The following NAV2 variants were observed in gnomAD, a reference collection of about 807,000 sequenced individuals.
The protein encoded by NAV2 is helicase, APC down-regulated 1.
Under a neutral mutation model 223.2 loss-of-function variants are expected in NAV2, and 54 were observed. The ratio of observed to expected loss-of-function variants is 0.24; its 90% CI spans 0.19 to 0.30. The LOEUF is 0.30. NAV2 is among the 10% of genes least tolerant of loss of function. NAV2 has a pLI of 1.00. For synonymous variants in NAV2, 1,279 were observed against 1,239.3 expected (o/e 1.03, Z -0.67); for missense variants, 2,806 against 3,147.5 (o/e 0.89, Z 2.60).
intron 1 of NAV2, among the ~76,000 whole-genome samples, chr11:19,664,447 T>G (rs1485544434): frequency 2.6e-5 from 4 of 152,318 alleles, no homozygotes; most frequent in African/African-American, 9.6e-5. Context: ...TGTCCCAGCC[T>G]GGTTATGACT....
chr11:19,398,820 C>T (rs372631429), intron 1 of NAV2, among the ~76,000 whole-genome samples: 2 of 152,214 alleles, frequency 1.3e-5, no homozygotes, highest in African/African-American at 2.4e-5. Context: ...TCCTTCCCCC[C>T]ACAGACACAC....
chr11:20,067,598 C>T (rs1270235929), intron 20 of NAV2, among the ~76,000 whole-genome samples: 1 of 151,894 alleles, frequency 6.6e-6, no homozygotes, highest in African/African-American at 2.4e-5. Flanking sequence ...CTGCCTCAGC[C>T]TCCCAAGTAG....
intron 1 of NAV2, among the ~76,000 whole-genome samples, chr11:19,572,019 G>A (rs563540363): frequency 2.8e-4 from 43 of 152,316 alleles, no homozygotes; most frequent in South Asian, 2.1e-4. Context: ...GAGTAGACTG[G>A]CAGGTAGAAC....
At chr11:19,610,745 G>A (rs1392508684) in intron 1 of NAV2, among the ~76,000 whole-genome samples, 1 of 151,880 alleles carries the variant, frequency 6.6e-6, no homozygotes. Flanking sequence ...TGGATGGATG[G>A]ATGGATGGAG....
chr11:19,893,539 C>A (rs866046809), intron 6 of NAV2, among the ~76,000 whole-genome samples: 1 of 152,160 alleles, frequency 6.6e-6, no homozygotes, highest in African/African-American at 2.4e-5. Flanking sequence ...AGCTGGGAAC[C>A]GCCGCCATTT....
rs550005278 is a variant in NAV2, at chr11:19,564,676, T to G, written c.75+213649T>G. ...CTCTAGTTCCCTTCCTGCCGTCCCC[T>G]AGAAATCAGGGGGCCGGGAGGTCCG... On this transcript the variant is annotated intron_variant, in intron 1 of 37. Coordinates refer to the NAV2 transcript ENST00000360655. 2.6e-5 allele frequency among the ~76,000 whole-genome samples: 4 copies of G among 152,262 alleles called. No individual in the cohort carries two copies. The South Asian group carries it at 8.3e-4, about 32-fold the overall frequency.
At chr11:19,573,700 G>A (rs1280127958) in intron 1 of NAV2, among the ~76,000 whole-genome samples, 1 of 152,198 alleles carries the variant, frequency 6.6e-6, no homozygotes, top group Admixed American at 6.5e-5. Flanking sequence ...AGAGCCTGAG[G>A]ACTGTGCTTT....
intron 6 of NAV2, among the ~76,000 whole-genome samples, chr11:19,915,494 T>C (rs529868805): frequency 6.6e-6 from 1 of 152,328 alleles, no homozygotes; most frequent in African/African-American, 2.4e-5. Context: ...TATCCAATAG[T>C]ATGTGTTTTC....
chr11:19,910,161 G>A (rs954278985), intron 6 of NAV2, among the ~76,000 whole-genome samples: 5 of 152,106 alleles, frequency 3.3e-5, no homozygotes, highest in Non-Finnish European at 4.4e-5. Flanking sequence ...ATTAAATAAC[G>A]GGCCTACATT....
At position 19,561,326 on chromosome 11, in the gene NAV2, G is replaced by A. The variant is rs79731468; in HGVS notation, c.75+210299G>A. ...GTCTCCTAACCAGTCACGGAGAGTC[G>A]GGCGGGAAACCAGGGAAGGGGGACA... On this transcript the variant is annotated intron_variant, in intron 1 of 37. Coordinates refer to the NAV2 transcript ENST00000360655. Among the ~76,000 whole-genome samples the A allele has an allele frequency of 3.3e-4, 51 of 152,248 alleles. No homozygotes were observed. The East Asian group carries it at 6.2e-3, about 18-fold the overall frequency.
intron 20 of NAV2, among the ~76,000 whole-genome samples, chr11:20,066,861 C>T (rs2059075014): frequency 6.6e-6 from 1 of 152,196 alleles, no homozygotes; most frequent in Admixed American, 6.5e-5. Flanking sequence ...ACTCTTCCCT[C>T]CCTGGGTACA....
At chr11:19,809,906 A>G (rs1430385098) in intron 1 of NAV2, among the ~76,000 whole-genome samples, 1 of 152,228 alleles carries the variant, frequency 6.6e-6, no homozygotes, top group Non-Finnish European at 1.5e-5. Context: ...TATCAGGGTC[A>G]TGCTATCAAC....
At chr11:19,919,107 TC>T (rs1257959207) in intron 6 of NAV2, among the ~76,000 whole-genome samples, 1 of 152,076 alleles carries the variant, frequency 6.6e-6, no homozygotes, top group African/African-American at 2.4e-5. Context: ...ATTTTAGGAT[TC>T]CGAAGAGAAA....
At chr11:19,796,187 T>C (rs181334227) in intron 1 of NAV2, among the ~76,000 whole-genome samples, 72 of 152,292 alleles carry the variant, frequency 4.7e-4, no homozygotes, top group Non-Finnish European at 7.1e-4. Context: ...TGGATACTTA[T>C]AGAATTTCTG....
chr11:19,702,636 G>A (rs1026862771), intron 1 of NAV2, among the ~76,000 whole-genome samples: 5 of 152,122 alleles, frequency 3.3e-5, no homozygotes, highest in African/African-American at 9.6e-5. Context: ...AAAATTAGCT[G>A]GCACAGTGGT....
chr11:19,777,858 G>A, intron 1 of NAV2: 1 of 455,824 alleles, frequency 2.2e-6, no homozygotes, highest in South Asian at 1.5e-5. Context: ...CGCCCTCACA[G>A]CCTGTCCCGG....
At chr11:19,866,995 A>G (rs916853513) in intron 3 of NAV2, among the ~76,000 whole-genome samples, 1 of 152,132 alleles carries the variant, frequency 6.6e-6, no homozygotes, top group African/African-American at 2.4e-5. Context: ...TTATAATTTT[A>G]TTATTATTTA....
At chr11:19,781,083 A>G (rs576396416) in intron 1 of NAV2, among the ~76,000 whole-genome samples, 1 of 152,314 alleles carries the variant, frequency 6.6e-6, no homozygotes, top group East Asian at 1.9e-4. Context: ...CAATCCTCTG[A>G]AATAAAAACT....
intron 11 of NAV2, chr11:20,027,519 T>G: frequency 1.0e-6 from 1 of 956,858 alleles, no homozygotes; most frequent in Non-Finnish European, 1.2e-6. Context: ...CTTAGTCACC[T>G]GGAAAGAGGC....
Sources: gnomAD v4.1 joint callset for allele counts (sites outside exome capture counted in the v4.1 genomes callset) on GRCh38, gnomAD v4.1.1 for gene constraint, MANE v1.5 for transcripts, NCBI Gene and HGNC (gene_info 2026-07-23, HGNC 2026-07-21) for gene names.